The following ESYT2 variants were observed in gnomAD, a reference collection of about 807,000 sequenced individuals.
ESYT2 encodes the protein extended synaptotagmin-2.
Under a neutral mutation model 107.2 loss-of-function variants are expected in ESYT2, and 54 were observed. The ratio of observed to expected loss-of-function variants is 0.50; its 90% CI spans 0.40 to 0.63. The LOEUF (loss-of-function observed/expected upper bound fraction) is 0.63, where lower values mean the gene tolerates loss of function less well. ESYT2 is among the 30% of genes least tolerant of loss of function. The pLI, the probability that ESYT2 is intolerant of heterozygous loss-of-function variation, is 0.00. For synonymous variants in ESYT2, 491 were observed against 434.1 expected (o/e 1.13, Z -1.63); for missense variants, 1,020 against 1,094.5 (o/e 0.93, Z 0.96).
At chr7:158,814,318 T>A (rs1207597545) in intron 1 of ESYT2, among the ~76,000 whole-genome samples, 87 of 8,282 alleles carry the variant, frequency 0.011, 12 homozygotes, top group African/African-American at 0.022. Context: ...TATATATATA[T>A]ATATATATAT....
At chr7:158,803,801 C>T (rs1674209741) in intron 1 of ESYT2, among the ~76,000 whole-genome samples, 1 of 145,184 alleles carries the variant, frequency 6.9e-6, no homozygotes, top group African/African-American at 2.6e-5. Flanking sequence ...CGTGACAAAC[C>T]CAAACCGTTG....
At chr7:158,737,228 G>C in intron 19 of ESYT2, 49 bp from the exon 20 acceptor site, 1 of 1,587,488 alleles carries the variant, frequency 6.3e-7, no homozygotes, top group Non-Finnish European at 8.6e-7. Context: ...GAGAAAAAGA[G>C]AATGAGCAGC....
At position 158,798,134 on chromosome 7, in the gene ESYT2, G is replaced by A. The variant is rs1355121603; in HGVS notation, c.373-58C>T. The stretch of plus-strand genomic sequence containing the variant: ...ATGCTATATAATGCATGACACACAC[G>A]AGTGCTCGTGAGAAACCCTCGCAAC... On this transcript the variant is annotated intron_variant, in intron 2 of 22. Transcript: ENST00000275418. 1.1e-5 allele frequency: 18 copies of A among 1,580,340 alleles called. No homozygotes were observed. In the Admixed American group the frequency reaches 1.2e-4, roughly 11 times the overall value.
rs145945412 is a variant in ESYT2, at chr7:158,801,258, G to T, written c.331-2186C>A. On this transcript the variant is annotated intron_variant, in intron 1 of 22. Coordinates refer to ENST00000275418, the MANE Select transcript of ESYT2 (RefSeq NM_001367773.1). ...AACTGGCTTGTATTAGAATTTACTG[G>T]TTAACTGGCTTGTATTAGAATTTAC... Among the ~76,000 whole-genome samples, 419 of 152,032 alleles carry T rather than the reference G, an allele frequency of 2.8e-3. 2 individuals carry two copies. Among genetic ancestry groups the T allele is most frequent in the African/African-American group, 9.7e-3 (404 of 41,512 alleles).
intron 3 of ESYT2, among the ~76,000 whole-genome samples, chr7:158,794,740 G>A (rs993954908): frequency 6.6e-6 from 1 of 152,032 alleles, no homozygotes; most frequent in Non-Finnish European, 1.5e-5. Flanking sequence ...TCACGCCACT[G>A]TACTCCAGCC....
chr7:158,757,231 T>C (rs572865656), intron 13 of ESYT2, among the ~76,000 whole-genome samples: 169 of 152,290 alleles, frequency 1.1e-3, no homozygotes, highest in Non-Finnish European at 1.9e-3. Context: ...AATAAAAGCA[T>C]GCAACATCAG....
At chr7:158,763,723 C>T (rs984410894) in intron 9 of ESYT2, among the ~76,000 whole-genome samples, 3 of 152,114 alleles carry the variant, frequency 2.0e-5, no homozygotes, top group Non-Finnish European at 2.9e-5. Context: ...TCCTGGATTG[C>T]GTCTCAATAG....
At chr7:158,750,799 G>T (rs1328284353) in intron 14 of ESYT2, among the ~76,000 whole-genome samples, 1 of 152,108 alleles carries the variant, frequency 6.6e-6, no homozygotes, top group Admixed American at 6.6e-5. Flanking sequence ...AGATTTTGTT[G>T]GCTAACCTCC....
At chr7:158,798,269 A>G (rs1839529620) in intron 2 of ESYT2, among the ~76,000 whole-genome samples, 193 bp from the exon 3 acceptor site, 1 of 152,192 alleles carries the variant, frequency 6.6e-6, no homozygotes, top group Non-Finnish European at 1.5e-5. Flanking sequence ...CTGATTAACC[A>G]ATATGTTGCA....
At chr7:158,782,399 C>A (rs1838914553) in intron 6 of ESYT2, among the ~76,000 whole-genome samples, 2 of 111,838 alleles carry the variant, frequency 1.8e-5, no homozygotes, top group Admixed American at 7.9e-5. Flanking sequence ...AGAACGAGAA[C>A]AAGTGAGTGA....
At position 158,731,598 on chromosome 7, in the gene ESYT2, C is replaced by CA. The variant is rs1461777929; in HGVS notation, c.*2608dup. ...CTGGGATTACAGGCGTGAGCCACCG[C>CA]ACCCGGCCAGCTGCTTCTATTTTAA... is the stretch of plus-strand genomic sequence containing the variant. On this transcript the variant is annotated 3_prime_UTR_variant, in exon 23 of 23. Transcript: ENST00000275418. 6.5e-6 allele frequency: 1 copy of CA among 152,794 alleles called. No homozygotes were observed. Among genetic ancestry groups the CA allele is most frequent in the Non-Finnish European group, 1.5e-5 (1 of 68,146 alleles). 9.5% of individuals were successfully genotyped at this position (152,794 alleles called of 1,614,324 possible).
Position 158,781,486 on chromosome 7 carries a change from AAC to A in ESYT2, c.747+6516_747+6517del, listed in dbSNP as rs546679499. Among the ~76,000 whole-genome samples the A allele has an allele frequency of 2.7e-5, 4 of 150,560 alleles. No individual in the cohort carries two copies. The South Asian group carries it at 8.4e-4, about 32-fold the overall frequency. On this transcript the variant is annotated intron_variant, in intron 6 of 22. Transcript: ENST00000275418. ...CAAAGTGTGAGAGGTGTGAGTGTGA[AAC>A]AAGTGAACGAGTGAACGTGTGAGAA...
rs112576383 is a variant in ESYT2, at chr7:158,735,532, G to A, written c.2476C>T (p.Leu826=). ...CCAAGGAGCCCTTTGTCTTTGGACA[G>A]GAAGCCGCCACTGTTCTTCACGGCA... ...DVAVKNSGGF[L]SKDKGLLGKV... is the part of the protein sequence containing the mutation. Residue 826 remains leucine, a synonymous_variant, in exon 21 of 23, where the codon CTG becomes TTG. Coordinates refer to ENST00000275418, the MANE Select transcript of ESYT2 (RefSeq NM_001367773.1). 7.0e-5 allele frequency: 113 copies of A among 1,614,170 alleles called. 1 individual carries two copies. The African/African-American group carries it at 1.0e-3, about 15-fold the overall frequency.
In ESYT2 at chr7:158,749,670, C is replaced by A; in HGVS notation, c.1536G>T (p.Gly512=). The change falls in exon 15 of 23, where the codon GGG becomes GGT. Residue 512 remains glycine (G), a synonymous_variant. Transcript: ENST00000275418. ...NPNPVVQMSV[G]HKAQESKIRY... is the part of the protein sequence containing the mutation. The stretch of plus-strand genomic sequence containing the variant: ...TTACCTTGCTCTCCTGGGCCTTGTG[C>A]CCAACTGACATCTGGACAACAGGAT... The A allele has an allele frequency of 6.2e-7, 1 of 1,614,028 alleles. No individual in the cohort carries two copies. Among genetic ancestry groups the A allele is most frequent in the Admixed American group, 1.7e-5 (1 of 60,002 alleles).
chr7:158,739,478 C>A (rs1404982713), intron 18 of ESYT2, among the ~76,000 whole-genome samples: 1 of 152,144 alleles, frequency 6.6e-6, no homozygotes, highest in Non-Finnish European at 1.5e-5. Context: ...TCCTGAGTAG[C>A]TGGGATTACA....
chr7:158,759,551 GGT>G lies in ESYT2; in HGVS notation c.1352_1353del (p.Asp451AlafsTer24). On this transcript the variant is annotated frameshift_variant, in exon 13 of 23. Coordinates refer to ENST00000275418, the MANE Select transcript of ESYT2 (RefSeq NM_001367773.1). LOFTEE classifies it high-confidence loss of function. The stretch of plus-strand genomic sequence containing the variant: ...GCAGAGGAAAGACCATCGTTGGCTT[GGT>G]CTTTGTCAGCTTTGATGTCTGTTAG... Reference protein sequence around the residue: ...KVLTDIKADKDQANDGLSSAL... With the variant: ...KVLTDIKADKXQANDGLSSAL... 6.2e-7 allele frequency: 1 copy of G among 1,612,436 alleles called. No homozygotes were observed. Among genetic ancestry groups the G allele is most frequent in the Non-Finnish European group, 8.5e-7 (1 of 1,178,668 alleles).
At chr7:158,793,798 G>C (rs573983473) in intron 3 of ESYT2, 72 bp from the exon 4 acceptor site, 1 of 1,151,250 alleles carries the variant, frequency 8.7e-7, no homozygotes, top group Non-Finnish European at 1.2e-6. Context: ...ACATACCATA[G>C]AGACAAACAG....
intron 1 of ESYT2, among the ~76,000 whole-genome samples, chr7:158,811,432 A>G (rs1839992100): frequency 1.3e-5 from 2 of 152,218 alleles, no homozygotes; most frequent in African/African-American, 2.4e-5. Context: ...ATGAGGGGCA[A>G]AGCCATTCCA....
rs1278428532 is a variant in ESYT2 at position 158,785,471 on chromosome 7, A to AAATAAATCAATC, written c.747+2532_747+2533insGATTGATTTATT. Among the ~76,000 whole-genome samples the AAATAAATCAATC allele has an allele frequency of 1.0e-4, 14 of 137,560 alleles. No individual in the cohort carries two copies. In the East Asian group the frequency reaches 2.4e-3, roughly 24 times the overall value. The allele number at this position is 137,560 out of a possible 152,430, so 90.2% of individuals were successfully genotyped here. ...TAAATAAATAAATAAATAAATAAAT[A>AAATAAATCAATC]AATCACCTCCAGTGTCAGGACTAAA... is the stretch of plus-strand genomic sequence containing the variant. On this transcript the variant is annotated intron_variant, in intron 6 of 22. Transcript: ENST00000275418.
Sources: allele counts gnomAD v4.1 joint callset (sites outside exome capture counted in the v4.1 genomes callset), GRCh38; gene constraint gnomAD v4.1.1; transcripts MANE v1.5; gene names NCBI Gene and HGNC (gene_info 2026-07-23, HGNC 2026-07-21).